Variants in EPHA3 observed in about 807,000 individuals in gnomAD.
The protein encoded by EPHA3 is ephrin type-A receptor 3.
In EPHA3, 42 loss-of-function variants were observed where a neutral mutation model predicts 107.1. The observed-to-expected ratio is 0.39, with a 90% CI of 0.31 to 0.51. EPHA3 has a LOEUF of 0.51. Among genes scored for constraint, EPHA3 ranks in the 20% least tolerant of loss-of-function variants. The pLI is 0.78. For synonymous variants in EPHA3, 461 were observed against 424.8 expected, an observed-to-expected ratio of 1.09 and a Z score of -1.05; for missense variants, 1,183 against 1,211.2, an observed-to-expected ratio of 0.98 and a Z score of 0.35.
chr3:89,343,539 C>T (rs771943081), intron 5 of EPHA3, among the ~76,000 whole-genome samples: 7 of 152,192 alleles, frequency 4.6e-5, no homozygotes, highest in Non-Finnish European at 5.9e-5. Flanking sequence ...GGCTAGCACC[C>T]GTCTTTCTTG....
At chr3:89,297,919 C>T (rs1013074043) in intron 3 of EPHA3, among the ~76,000 whole-genome samples, 12 of 152,160 alleles carry the variant, frequency 7.9e-5, no homozygotes, top group Middle Eastern at 3.4e-3. Context: ...CCTGTAATCC[C>T]GGCTACTCAG....
chr3:89,210,848 T>C (rs1704057497), intron 3 of EPHA3, among the ~76,000 whole-genome samples: 1 of 152,166 alleles, frequency 6.6e-6, no homozygotes, highest in Non-Finnish European at 1.5e-5. Flanking sequence ...ATCTCTTTTA[T>C]GTAGAAAGTT....
At chr3:89,109,473 TTTC>T (rs1216511066) in intron 1 of EPHA3, among the ~76,000 whole-genome samples, 1 of 152,018 alleles carries the variant, frequency 6.6e-6, no homozygotes, top group East Asian at 1.9e-4. Flanking sequence ...TAAATTATAT[TTTC>T]CAGATAGAAT....
chr3:89,425,661 A>G (rs1709440684), intron 11 of EPHA3, among the ~76,000 whole-genome samples: 1 of 151,544 alleles, frequency 6.6e-6, no homozygotes, highest in Non-Finnish European at 1.5e-5. Flanking sequence ...TTTAATCTGA[A>G]AAACAAAGTT....
chr3:89,164,289 T>A (rs1378082224), intron 2 of EPHA3, among the ~76,000 whole-genome samples: 1 of 152,150 alleles, frequency 6.6e-6, no homozygotes, highest in Non-Finnish European at 1.5e-5. Context: ...CCAAAAAACT[T>A]ATAATGTTTT....
At chr3:89,303,069 AT>A (rs1260698024) in intron 3 of EPHA3, among the ~76,000 whole-genome samples, 7 of 151,318 alleles carry the variant, frequency 4.6e-5, no homozygotes, top group African/African-American at 1.5e-4. Context: ...AGTTTTTTCT[AT>A]TTTTTTGTAG....
intron 3 of EPHA3, among the ~76,000 whole-genome samples, chr3:89,258,081 T>A (rs1705327834): frequency 6.6e-6 from 1 of 152,220 alleles, no homozygotes; most frequent in Non-Finnish European, 1.5e-5. Context: ...CATGCTATGA[T>A]GCAGTAGGAA....
intron 3 of EPHA3, among the ~76,000 whole-genome samples, chr3:89,279,464 G>T (rs1460002991): frequency 6.6e-6 from 1 of 151,868 alleles, no homozygotes; most frequent in East Asian, 1.9e-4. Flanking sequence ...AAAATATATA[G>T]CTACCTATTG....
chr3:89,338,311 T>A (rs1707438043), intron 3 of EPHA3, among the ~76,000 whole-genome samples: 1 of 152,228 alleles, frequency 6.6e-6, no homozygotes, highest in Non-Finnish European at 1.5e-5. Flanking sequence ...TATTGAATTA[T>A]GCTTCATACT....
At chr3:89,190,382 T>G (rs1205657307) in intron 2 of EPHA3, among the ~76,000 whole-genome samples, 1 of 152,200 alleles carries the variant, frequency 6.6e-6, no homozygotes. Flanking sequence ...GAACAATATA[T>G]CTACCAATTA....
intron 5 of EPHA3, among the ~76,000 whole-genome samples, chr3:89,351,220 C>T (rs1286761892): frequency 1.3e-5 from 2 of 151,288 alleles, no homozygotes; most frequent in Admixed American, 6.6e-5. Flanking sequence ...CCCAGCCTCG[C>T]TGCTGCCTTG....
intron 2 of EPHA3, among the ~76,000 whole-genome samples, chr3:89,147,482 G>A (rs1015828088): frequency 2.6e-5 from 4 of 151,960 alleles, no homozygotes; most frequent in Admixed American, 6.6e-5. Flanking sequence ...GGAAATTTGT[G>A]CTAATTTTGC....
intron 3 of EPHA3, among the ~76,000 whole-genome samples, chr3:89,319,930 T>A (rs1048668905): frequency 7.9e-5 from 12 of 151,954 alleles, no homozygotes; most frequent in African/African-American, 2.9e-4. Context: ...ATATATTTTA[T>A]ATAATGCTAT....
At chr3:89,177,430 C>A (rs549106013) in intron 2 of EPHA3, among the ~76,000 whole-genome samples, 45 of 152,300 alleles carry the variant, frequency 3.0e-4, no homozygotes, top group African/African-American at 1.1e-3. Context: ...CTCTCTCATA[C>A]ATCTGCCTTC....
chr3:89,449,459 C>A (rs1559700455), intron 14 of EPHA3, 85 bp downstream of exon 14: 1 of 1,275,376 alleles, frequency 7.8e-7, no homozygotes, highest in Non-Finnish European at 1.0e-6. Context: ...AACTGGGTGG[C>A]TCCTGGTTTA....
chr3:89,355,642 A>G (rs1707930386), intron 5 of EPHA3, among the ~76,000 whole-genome samples: 1 of 150,716 alleles, frequency 6.6e-6, no homozygotes, highest in Non-Finnish European at 1.5e-5. Context: ...CTTTTTGATT[A>G]TTGGTACAGT....
chr3:89,160,251 C>T (rs1704900612), intron 2 of EPHA3, among the ~76,000 whole-genome samples: 1 of 151,832 alleles, frequency 6.6e-6, no homozygotes, highest in Non-Finnish European at 1.5e-5. Flanking sequence ...AGACAACAAA[C>T]ATATAATAAA....
At chr3:89,147,662 C>T (rs1170990133) in intron 2 of EPHA3, among the ~76,000 whole-genome samples, 1 of 151,574 alleles carries the variant, frequency 6.6e-6, no homozygotes, top group Non-Finnish European at 1.5e-5. Context: ...TGTAATGTAC[C>T]CCCTAGAAAA....
intron 2 of EPHA3, among the ~76,000 whole-genome samples, chr3:89,165,320 G>A (rs570612663): frequency 6.6e-6 from 1 of 152,238 alleles, no homozygotes; most frequent in Non-Finnish European, 1.5e-5. Context: ...AAAACGAAAT[G>A]TCATAGTATG....
Sources: allele counts gnomAD v4.1 joint callset (sites outside exome capture counted in the v4.1 genomes callset), GRCh38; gene constraint gnomAD v4.1.1; transcripts MANE v1.5; gene names NCBI Gene and HGNC (gene_info 2026-07-23, HGNC 2026-07-21).